Variants in PROM1 observed in about 807,000 individuals in gnomAD.
PROM1 encodes prominin-1.
A neutral mutation model predicts 116.9 loss-of-function variants in PROM1; 105 were observed. That is an observed-to-expected ratio of 0.90 (90% confidence interval 0.77 to 1.06). PROM1 has a LOEUF of 1.06. Ranked by LOEUF, PROM1 falls within the 50% of genes least tolerant of loss-of-function variation. The pLI is 0.00. For missense variants in PROM1, 1,122 were observed against 1,045.2 expected, an observed-to-expected ratio of 1.07 and a Z score of -1.01; for synonymous variants, 393 against 387.0, an observed-to-expected ratio of 1.02 and a Z score of -0.18.
rs76550477 is a variant in PROM1, at chr4:15,987,592, C to G, written c.2130+71G>C. 1,454 of 1,472,374 alleles carry G rather than the reference C, an allele frequency of 9.9e-4. 12 individuals are homozygous for G. The African/African-American group carries it at 0.018, about 19-fold the overall frequency. The allele number at this position is 1,472,374 out of a possible 1,614,324, so 91.2% of individuals were successfully genotyped here. ...TCAACTTAAAGTACCTACAAAAATC[C>G]ACATTTCTAGCATTCTTTGTGTGGT... On this transcript the variant is annotated intron_variant, in intron 20 of 27. Coordinates refer to ENST00000447510, the MANE Select transcript of PROM1 (RefSeq NM_006017.3).
In PROM1 at chr4:16,075,720, G is replaced by T; in HGVS notation, c.187C>A (p.Leu63Ile). 2 of 1,613,586 alleles carry T rather than the reference G, an allele frequency of 1.2e-6. No homozygotes were observed. Among genetic ancestry groups the T allele is most frequent in the South Asian group, 2.2e-5 (2 of 90,884 alleles). The change falls in exon 2 of 28, where the codon CTC (leucine) becomes ATC (isoleucine). Residue 63 changes from leucine to isoleucine, a missense_variant. Transcript: ENST00000447510. ...AAATCACGCGGCTGTACCACATAGAGAAAGATATGCACTAGTTCAAAGAGA... is the reference window on the plus strand; with the variant it reads ...AAATCACGCGGCTGTACCACATAGATAAAGATATGCACTAGTTCAAAGAGA... ...GILFELVHIF[L>I]YVVQPRDFPE...
chr4:16,039,907 G>A (rs778191003), intron 2 of PROM1, among the ~76,000 whole-genome samples: 1 of 152,012 alleles, frequency 6.6e-6, no homozygotes, highest in Non-Finnish European at 1.5e-5. Flanking sequence ...TTAACCCTGA[G>A]CAGCCATCTA....
intron 13 of PROM1, among the ~76,000 whole-genome samples, chr4:16,002,997 G>T (rs546656290): frequency 5.9e-5 from 9 of 152,228 alleles, no homozygotes; most frequent in African/African-American, 1.7e-4. Flanking sequence ...AAGAATATGC[G>T]ACAAAGACTG....
At chr4:16,033,584 T>TAC in intron 4 of PROM1, 75 bp from the exon 5 acceptor site, 1 of 876,300 alleles carries the variant, frequency 1.1e-6, no homozygotes. Context: ...GTGTACAAAG[T>TAC]TCTTTTTTTT....
chr4:16,040,377 C>T (rs1646574032), intron 2 of PROM1, among the ~76,000 whole-genome samples: 2 of 152,190 alleles, frequency 1.3e-5, no homozygotes, highest in African/African-American at 4.8e-5. Flanking sequence ...GCTGTCTAAT[C>T]CCCTTCCGAC....
chr4:16,028,640 A>C (rs1578115577), intron 5 of PROM1, among the ~76,000 whole-genome samples: 1 of 151,768 alleles, frequency 6.6e-6, no homozygotes, highest in African/African-American at 2.4e-5. Flanking sequence ...ATTTTTTAGC[A>C]AAAAAAAGGT....
intron 23 of PROM1, 69 bp from the exon 24 acceptor site, chr4:15,980,606 ATTTTTTTTTTTTT>A: frequency 2.7e-6 from 2 of 727,334 alleles, no homozygotes; most frequent in East Asian, 3.3e-5. Context: ...TGTTTGGGGG[ATTTTTTTTTTTTT>A]TTTTTTTTTT....
intron 3 of PROM1, among the ~76,000 whole-genome samples, chr4:16,036,502 G>A (rs147772236): frequency 9.8e-4 from 149 of 152,204 alleles, no homozygotes; most frequent in Middle Eastern, 3.4e-3. Flanking sequence ...AAATGATCCC[G>A]GTCTCCCTTT....
At chr4:16,067,090 C>T (rs1211377198) in intron 2 of PROM1, among the ~76,000 whole-genome samples, 1 of 152,158 alleles carries the variant, frequency 6.6e-6, no homozygotes, top group African/African-American at 2.4e-5. Context: ...ACGTCACCTG[C>T]CACTCAAACC....
intron 2 of PROM1, among the ~76,000 whole-genome samples, chr4:16,054,590 G>T (rs1050536950): frequency 4.0e-5 from 6 of 151,814 alleles, no homozygotes; most frequent in African/African-American, 1.5e-4. Context: ...AAATTCCCTG[G>T]GCCTCAATTT....
chr4:16,002,070 G>C (rs1263287627), intron 13 of PROM1, among the ~76,000 whole-genome samples: 1 of 152,136 alleles, frequency 6.6e-6, no homozygotes, highest in Non-Finnish European at 1.5e-5. Context: ...TTGGAAGTTT[G>C]ATGATGGGAA....
chr4:16,012,096 A>T (rs2149266330), intron 11 of PROM1, among the ~76,000 whole-genome samples: 1 of 152,190 alleles, frequency 6.6e-6, no homozygotes. Context: ...TCCTGGGTTC[A>T]AGTGATTCTC....
At chr4:16,003,701 A>G (rs1263450888) in intron 13 of PROM1, among the ~76,000 whole-genome samples, 1 of 152,176 alleles carries the variant, frequency 6.6e-6, no homozygotes, top group Admixed American at 6.5e-5. Flanking sequence ...CTGTAATCCC[A>G]ACACATTGGG....
At chr4:16,046,040 G>T (rs776850438) in intron 2 of PROM1, among the ~76,000 whole-genome samples, 1 of 152,216 alleles carries the variant, frequency 6.6e-6, no homozygotes, top group Non-Finnish European at 1.5e-5. Context: ...TCAGGTAACA[G>T]TGTTATCCTG....
chr4:16,040,358 G>A (rs1056763439), intron 2 of PROM1, among the ~76,000 whole-genome samples: 2 of 152,154 alleles, frequency 1.3e-5, no homozygotes, highest in African/African-American at 4.8e-5. Flanking sequence ...GGACCAGAGG[G>A]ACACTGAGGC....
At chr4:16,011,385 C>A (rs1412142741) in intron 11 of PROM1, among the ~76,000 whole-genome samples, 1 of 152,154 alleles carries the variant, frequency 6.6e-6, no homozygotes, top group Non-Finnish European at 1.5e-5. Flanking sequence ...AGAGTTGGCA[C>A]TAAATAATTT....
At chr4:15,987,926 G>T (rs1193847813) in intron 19 of PROM1, among the ~76,000 whole-genome samples, 2 of 147,682 alleles carry the variant, frequency 1.4e-5, no homozygotes, top group African/African-American at 5.0e-5. Flanking sequence ...ACCCAGGCTG[G>T]AGTGCAGTGG....
rs1728940859 is a variant in PROM1, at chr4:16,018,361, A to G, written c.964T>C (p.Ser322Pro). Residue 322 changes from serine (S) to proline (P), a missense_variant, in exon 9 of 28, where the codon TCT becomes CCT. By Grantham distance (74) the Ser-to-Pro change is moderately conservative. Coordinates refer to ENST00000447510, the MANE Select transcript of PROM1 (RefSeq NM_006017.3). ...GGGTTGCTATTCAGCTGGCTTAGAG[A>G]CAATCTGATGCTGTTGCAGGTTTCA... ...SSETCNSIRL[S>P]LSQLNSNPEL... is the part of the protein sequence containing the mutation. 6.2e-7 allele frequency: 1 copy of G among 1,613,518 alleles called. No homozygotes were observed. The highest frequency in any genetic ancestry group is 1.3e-5 in the African/African-American group (1 of 74,926).
chr4:15,998,358 C>T (rs774875329), intron 15 of PROM1, 27 bp downstream of exon 15: 8 of 1,540,610 alleles, frequency 5.2e-6, no homozygotes, highest in East Asian at 2.3e-5. Context: ...TCTTAAATAG[C>T]GAAATGTATA....
Sources: gnomAD v4.1 joint callset for allele counts (sites outside exome capture counted in the v4.1 genomes callset) on GRCh38, gnomAD v4.1.1 for gene constraint, MANE v1.5 for transcripts, NCBI Gene and HGNC (gene_info 2026-07-23, HGNC 2026-07-21) for gene names.